The following CFAP61 variants were observed in gnomAD, a reference collection of about 807,000 sequenced individuals.
The protein encoded by CFAP61 is cilia- and flagella-associated protein 61.
A neutral mutation model predicts 135.6 loss-of-function variants in CFAP61; 107 were observed. That is an observed-to-expected ratio of 0.79 (90% CI 0.67 to 0.93). The LOEUF (loss-of-function observed/expected upper bound fraction) is 0.93. Ranked by LOEUF, CFAP61 falls within the 40% of genes least tolerant of loss-of-function variation. The pLI, the probability that CFAP61 is intolerant of heterozygous loss-of-function variation, is 0.00. For missense variants in CFAP61, 1,507 were observed against 1,556.2 expected, an observed-to-expected ratio of 0.97 and a Z score of 0.53; for synonymous variants, 575 against 578.5, an observed-to-expected ratio of 0.99 and a Z score of 0.09.
At chr20:20,329,599 C>T (rs1301035320) in intron 25 of CFAP61, among the ~76,000 whole-genome samples, 1 of 152,212 alleles carries the variant, frequency 6.6e-6, no homozygotes, top group African/African-American at 2.4e-5. Context: ...GTCCACAGCA[C>T]TCACTTGTTT....
chr20:20,329,178 A>G, intron 25 of CFAP61, among the ~76,000 whole-genome samples: 1 of 151,802 alleles, frequency 6.6e-6, no homozygotes, highest in African/African-American at 2.4e-5. Context: ...TTTCCCTGGG[A>G]TTGCCATCAA....
In CFAP61 at chr20:20,126,847, A is replaced by G. The variant is rs1178547393; in HGVS notation, c.860-16010A>G. Among the ~76,000 whole-genome samples, 2 of 151,850 alleles carry G rather than the reference A, an allele frequency of 1.3e-5. 1 individual carries two copies. The highest frequency in any genetic ancestry group is 4.9e-5 in the African/African-American group (2 of 41,134). On this transcript the variant is annotated intron_variant, in intron 8 of 26. Transcript: ENST00000245957. ...TAGATTTCTCTTCTTCCTCAGGAAT[A>G]CTGATTATTCTTAGGTTTGGTCGTT...
At chr20:20,225,598 C>G (rs2048688698) in intron 17 of CFAP61, 5 of 152,170 alleles carry the variant, frequency 3.3e-5, no homozygotes, top group Admixed American at 3.3e-4. Context: ...AGGTATAATT[C>G]TTTACTGGAG....
chr20:20,092,229 C>T (rs1258098259), intron 7 of CFAP61, among the ~76,000 whole-genome samples: 1 of 152,212 alleles, frequency 6.6e-6, no homozygotes, highest in Non-Finnish European at 1.5e-5. Flanking sequence ...AATGTTTTCT[C>T]ATGATTTGAT....
chr20:20,064,569 C>T (rs890450316), intron 2 of CFAP61, among the ~76,000 whole-genome samples: 6 of 151,518 alleles, frequency 4.0e-5, no homozygotes, highest in East Asian at 1.9e-4. Flanking sequence ...CTGGGCAGGA[C>T]GGGCTGGGAT....
At chr20:20,251,398 A>G (rs2050890122) in intron 19 of CFAP61, among the ~76,000 whole-genome samples, 197 bp from the exon 20 acceptor site, 1 of 151,794 alleles carries the variant, frequency 6.6e-6, no homozygotes, top group South Asian at 2.1e-4. Context: ...CAGGTGGAAC[A>G]ATTTAGCTTT....
At chr20:20,190,894 G>A (rs1419607637) in intron 14 of CFAP61, among the ~76,000 whole-genome samples, 4 of 152,064 alleles carry the variant, frequency 2.6e-5, no homozygotes, top group Non-Finnish European at 2.9e-5. Context: ...CAAGGCAGGT[G>A]GATTCCTTGA....
At chr20:20,232,032 A>G (rs1805253059) in intron 18 of CFAP61, among the ~76,000 whole-genome samples, 2 of 152,080 alleles carry the variant, frequency 1.3e-5, no homozygotes, top group South Asian at 4.2e-4. Flanking sequence ...TAATAAGACT[A>G]TTTAAAACCT....
At chr20:20,271,750 T>C (rs1257314627) in intron 21 of CFAP61, among the ~76,000 whole-genome samples, 1 of 152,066 alleles carries the variant, frequency 6.6e-6, no homozygotes, top group Non-Finnish European at 1.5e-5. Flanking sequence ...CCACCCAGAG[T>C]GTTCTTATCA....
rs1204346820 is a variant in CFAP61, at chr20:20,360,356, C to T, written c.3660C>T (p.Tyr1220=). ...KTLVERSTLD[Y]LHYNRYHLPM... is the part of the protein sequence containing the mutation. ...TGGTGGAGAGAAGCACTCTTGACTA[C>T]CTGCACTATAACCGCTACCACCTGC... Residue 1220 remains tyrosine (Y), a synonymous_variant, in exon 27 of 27, where the codon TAC becomes TAT. Transcript: ENST00000245957. 1 of 1,613,776 alleles carries T rather than the reference C, an allele frequency of 6.2e-7. No homozygotes were observed. Among genetic ancestry groups the T allele is most frequent in the East Asian group, 2.2e-5 (1 of 44,894 alleles).
chr20:20,209,756 T>A (rs1298127514), intron 17 of CFAP61, among the ~76,000 whole-genome samples: 1 of 152,156 alleles, frequency 6.6e-6, no homozygotes, highest in Non-Finnish European at 1.5e-5. Flanking sequence ...AGGAAAGACA[T>A]CCAAGTTCTC....
At chr20:20,072,592 T>C (rs1600441959) in intron 3 of CFAP61, among the ~76,000 whole-genome samples, 1 of 152,304 alleles carries the variant, frequency 6.6e-6, no homozygotes, top group Admixed American at 6.5e-5. Context: ...TGATTTTACC[T>C]TTCTGAAAAT....
chr20:20,262,818 TCAATTAAAATCTGA>T, intron 20 of CFAP61, 124 bp from the exon 21 acceptor site: 1 of 412,552 alleles, frequency 2.4e-6, no homozygotes. Flanking sequence ...TTTTTTTTTT[TCAATTAAAATCTGA>T]TTGATTGTAT....
At chr20:20,099,583 G>T (rs1035480125) in intron 8 of CFAP61, among the ~76,000 whole-genome samples, 1 of 151,862 alleles carries the variant, frequency 6.6e-6, no homozygotes, top group Non-Finnish European at 1.5e-5. Context: ...CCACACGGGG[G>T]GGGGGTTGTG....
intron 2 of CFAP61, among the ~76,000 whole-genome samples, chr20:20,061,143 G>A (rs371569943): frequency 6.6e-6 from 1 of 152,058 alleles, no homozygotes; most frequent in East Asian, 1.9e-4. Flanking sequence ...ACATGGTTAA[G>A]ATCATCATTA....
chr20:20,218,895 G>A (rs559140290), intron 17 of CFAP61, among the ~76,000 whole-genome samples: 19 of 152,294 alleles, frequency 1.2e-4, no homozygotes, highest in African/African-American at 4.3e-4. Flanking sequence ...ACATTCAGTT[G>A]CCTTCCCCAC....
intron 13 of CFAP61, among the ~76,000 whole-genome samples, chr20:20,171,237 A>G (rs1296390411): frequency 6.6e-6 from 1 of 152,210 alleles, no homozygotes; most frequent in Non-Finnish European, 1.5e-5. Context: ...ACCCCTAAAC[A>G]CAACTGCCTT....
chr20:20,074,122 C>T (rs1029603584), intron 3 of CFAP61, among the ~76,000 whole-genome samples, 180 bp from the exon 4 acceptor site: 4 of 152,168 alleles, frequency 2.6e-5, no homozygotes, highest in South Asian at 2.1e-4. Context: ...AGGCGGCAAA[C>T]GGAGTCAGTG....
At chr20:20,170,235 A>T (rs1346532709) in intron 13 of CFAP61, among the ~76,000 whole-genome samples, 2 of 152,222 alleles carry the variant, frequency 1.3e-5, no homozygotes, top group African/African-American at 4.8e-5. Context: ...TCAGAATGGG[A>T]AAGTTCTTTT....
Sources: gnomAD v4.1 joint callset for allele counts (sites outside exome capture counted in the v4.1 genomes callset) on GRCh38, gnomAD v4.1.1 for gene constraint, MANE v1.5 for transcripts, NCBI Gene and HGNC (gene_info 2026-07-23, HGNC 2026-07-21) for gene names.